TIMM13: variants seen among roughly 807,000 people sequenced by gnomAD.
TIMM13 encodes the protein mitochondrial import inner membrane translocase subunit Tim13.
Under a neutral mutation model 10.9 loss-of-function variants are expected in TIMM13, and 8 were observed. That is an observed-to-expected ratio of 0.73 (90% CI 0.43 to 1.32). TIMM13 has a LOEUF of 1.32. Among genes scored for constraint, TIMM13 ranks in the 40% most tolerant of loss-of-function variants. The pLI is 0.01. For synonymous variants in TIMM13, 68 were observed against 52.5 expected (o/e 1.30, Z -1.28); for missense variants, 147 against 132.8 (o/e 1.11, Z -0.53).
Position 2,426,672 on chromosome 19 carries a change from G to A in TIMM13, c.*276C>T. 1 of 539,264 alleles carries A rather than the reference G, an allele frequency of 1.9e-6. No homozygotes were observed. Among genetic ancestry groups the A allele is most frequent in the Non-Finnish European group, 3.3e-6 (1 of 301,262 alleles). The allele number at this position is 539,264 out of a possible 1,614,324, so 33.4% of individuals were successfully genotyped here. A position where few individuals can be genotyped will look rare whatever the true frequency, so the allele number is the denominator to read the frequency against. ...GACAAGCTGTCCGCCCAGAATATGAGGCTGACTTGGGCACACTAGGGGAAT... is the reference window on the plus strand; with the variant it reads ...GACAAGCTGTCCGCCCAGAATATGAAGCTGACTTGGGCACACTAGGGGAAT... On this transcript the variant is annotated 3_prime_UTR_variant, in exon 3 of 3. Transcript: ENST00000215570.
Position 2,425,756 on chromosome 19 carries a change from T to A in TIMM13, c.*1192A>T. ...GGCACCGTTCCACTCCGGGACCACG[T>A]GGCGGGTGTCCATAAATGTCTGCCA... On this transcript the variant is annotated 3_prime_UTR_variant, in exon 3 of 3. Transcript: ENST00000215570. 8.6e-7 allele frequency: 1 copy of A among 1,169,432 alleles called. No individual in the cohort carries two copies. The highest frequency in any genetic ancestry group is 1.2e-6 in the Non-Finnish European group (1 of 862,566). 72.4% of individuals were successfully genotyped at this position (1,169,432 alleles called of 1,614,324 possible).
rs556101871 is a variant in TIMM13 at position 2,427,497 on chromosome 19, C to T, written c.37G>A (p.Gly13Ser). 2.9e-5 allele frequency: 47 copies of T among 1,611,198 alleles called. No homozygotes were observed. Among genetic ancestry groups the T allele is most frequent in the Non-Finnish European group, 1.9e-5 (22 of 1,179,130 alleles). ...AGCCCTGGGTCCAGCTTCCCGCTGC[C>T]GGAGCCCCCGAAATCGGAGCCGAAG... ...GGFGSDFGGSGSGKLDPGLIM... is the reference protein window; with the variant it reads ...GGFGSDFGGSSSGKLDPGLIM... The change falls in exon 1 of 3, where the codon GGC becomes AGC. Residue 13 changes from glycine (G) to serine (S), a missense_variant. Transcript: ENST00000215570.
In TIMM13 at chr19:2,425,980, A is replaced by C; in HGVS notation, c.*968T>G. 6.2e-7 allele frequency: 1 copy of C among 1,608,266 alleles called. No homozygotes were observed. The highest frequency in any genetic ancestry group is 8.5e-7 in the Non-Finnish European group (1 of 1,178,140). ...GGGAGCCCTCTGGACGGTGGGTGCT[A>C]ACTGGGGTCACTAGCTGGGGCTATG... On this transcript the variant is annotated 3_prime_UTR_variant, in exon 3 of 3. Transcript: ENST00000215570.
Position 2,426,042 on chromosome 19 carries a change from G to A in TIMM13, c.*906C>T, listed in dbSNP as rs760550411. On this transcript the variant is annotated 3_prime_UTR_variant, in exon 3 of 3. Transcript: ENST00000215570. ...CCCCACTTCCCAGGTGTCTATACCC[G>A]GGTGGCAGCTGTGAGAGGCTGGATA... is the stretch of plus-strand genomic sequence containing the variant. 3 of 1,609,376 alleles carry A rather than the reference G, an allele frequency of 1.9e-6. No homozygotes were observed. The highest frequency in any genetic ancestry group is 2.5e-6 in the Non-Finnish European group (3 of 1,178,416).
chr19:2,426,078 T>C lies in TIMM13; in HGVS notation c.*870A>G, dbSNP rs367635703. On this transcript the variant is annotated 3_prime_UTR_variant, in exon 3 of 3. Transcript: ENST00000215570. The stretch of plus-strand genomic sequence containing the variant: ...GTGAGAGGCTGGATAGGACAGCACA[T>C]CCAGGAGTGACCACCACGTGACTGC... The C allele has an allele frequency of 1.9e-5, 31 of 1,605,230 alleles. No individual in the cohort carries two copies. The highest frequency in any genetic ancestry group is 2.5e-5 in the Non-Finnish European group (29 of 1,177,026).
Position 2,426,015 on chromosome 19 carries a change from G to C in TIMM13, c.*933C>G. On this transcript the variant is annotated 3_prime_UTR_variant, in exon 3 of 3. Coordinates refer to ENST00000215570, the MANE Select transcript of TIMM13 (RefSeq NM_012458.4). ...ACTAGCTGGGGCTATGGCTGTGGCCGGCCCCACTTCCCAGGTGTCTATACC... is the reference window on the plus strand; with the variant it reads ...ACTAGCTGGGGCTATGGCTGTGGCCCGCCCCACTTCCCAGGTGTCTATACC... 3 of 1,607,740 alleles carry C rather than the reference G, an allele frequency of 1.9e-6. No homozygotes were observed. Among genetic ancestry groups the C allele is most frequent in the East Asian group, 2.2e-5 (1 of 44,506 alleles).
rs1260737333 is a variant in TIMM13 at position 2,426,649 on chromosome 19, C to G, written c.*299G>C. ...ACCACCCCCAACTCCGAAGTCCAGACAAGCTGTCCGCCCAGAATATGAGGC... is the reference window on the plus strand; with the variant it reads ...ACCACCCCCAACTCCGAAGTCCAGAGAAGCTGTCCGCCCAGAATATGAGGC... On this transcript the variant is annotated 3_prime_UTR_variant, in exon 3 of 3. Coordinates refer to ENST00000215570, the MANE Select transcript of TIMM13 (RefSeq NM_012458.4). 2 of 504,080 alleles carry G rather than the reference C, an allele frequency of 4.0e-6. No homozygotes were observed. Among genetic ancestry groups the G allele is most frequent in the Non-Finnish European group, 7.1e-6 (2 of 280,642 alleles). 31.2% of individuals were successfully genotyped at this position (504,080 alleles called of 1,614,324 possible). A position where few individuals can be genotyped will look rare whatever the true frequency, so the allele number is the denominator to read the frequency against.
Position 2,427,174 on chromosome 19 carries a change from CGTTAGTCTGCGCACGCGCAGACA to C in TIMM13, c.189+59_189+81del, listed in dbSNP as rs1211306621. The stretch of plus-strand genomic sequence containing the variant: ...CAGTGACCACTCCGTCGCACCTCCC[CGTTAGTCTGCGCACGCGCAGACA>C]CCTCCCCCCTCGAATCTAGGCCCTC... On this transcript the variant is annotated intron_variant, in intron 2 of 2. Transcript: ENST00000215570. 1.5e-5 allele frequency: 23 copies of C among 1,579,802 alleles called. No homozygotes were observed. In the East Asian group the frequency reaches 4.3e-4, roughly 29 times the overall value.
Position 2,426,859 on chromosome 19 carries a change from G to A in TIMM13, c.*89C>T. 7.5e-7 allele frequency: 1 copy of A among 1,324,734 alleles called. No individual in the cohort carries two copies. The highest frequency in any genetic ancestry group is 1.1e-6 in the Non-Finnish European group (1 of 952,356). The allele number at this position is 1,324,734 out of a possible 1,614,324, so 82.1% of individuals were successfully genotyped here. The stretch of plus-strand genomic sequence containing the variant: ...CCCAGCACCGGTGCCACCCTCCTAA[G>A]CCCCGGGCAGGCAGTACGTACATGC... On this transcript the variant is annotated 3_prime_UTR_variant, in exon 3 of 3. Transcript: ENST00000215570.
chr19:2,425,638 G>A lies in TIMM13; in HGVS notation c.*1310C>T. On this transcript the variant is annotated 3_prime_UTR_variant, in exon 3 of 3. Transcript: ENST00000215570. ...TCAAGCAGGGAGCCTTTTTGGCTCT[G>A]GAGGAATTTCCACTCCACAGCCGTT... 1 of 1,367,316 alleles carries A rather than the reference G, an allele frequency of 7.3e-7. No individual in the cohort carries two copies. The highest frequency in any genetic ancestry group is 9.4e-7 in the Non-Finnish European group (1 of 1,058,682). The allele number at this position is 1,367,316 out of a possible 1,614,324, so 84.7% of individuals were successfully genotyped here. A position where few individuals can be genotyped will look rare whatever the true frequency, so the allele number is the denominator to read the frequency against.
At position 2,427,301 on chromosome 19, in the gene TIMM13, C is replaced by T. The variant is rs747024711; in HGVS notation, c.144G>A (p.Arg48=). 1 of 1,613,486 alleles carries T rather than the reference C, an allele frequency of 6.2e-7. No homozygotes were observed. Among genetic ancestry groups the T allele is most frequent in the South Asian group, 1.1e-5 (1 of 91,086 alleles). The change falls in exon 2 of 3, where the codon CGG becomes CGA. Residue 48 remains arginine (R), a synonymous_variant. Transcript: ENST00000215570. ...LLQRMTDKCF[R]KCIGKPGGSL... ...AGCCCCCAGGTTTCCCTATACACTT[C>T]CGGAAACACTTGTCCGTCATCCTCT... is the stretch of plus-strand genomic sequence containing the variant.
Position 2,425,970 on chromosome 19 carries a change from G to A in TIMM13, c.*978C>T, listed in dbSNP as rs141671587. On this transcript the variant is annotated 3_prime_UTR_variant, in exon 3 of 3. Transcript: ENST00000215570. ...CTGGCCTGCAGGGAGCCCTCTGGAC[G>A]GTGGGTGCTAACTGGGGTCACTAGC... 42 of 1,607,160 alleles carry A rather than the reference G, an allele frequency of 2.6e-5. 1 individual carries two copies. The highest frequency in any genetic ancestry group is 1.7e-4 in the Middle Eastern group (1 of 5,906).
chr19:2,426,169 C>T lies in TIMM13; in HGVS notation c.*779G>A. 1.7e-6 allele frequency: 2 copies of T among 1,166,248 alleles called. No homozygotes were observed. The highest frequency in any genetic ancestry group is 1.6e-5 in the South Asian group (1 of 62,596). 72.2% of individuals were successfully genotyped at this position (1,166,248 alleles called of 1,614,324 possible). A position where few individuals can be genotyped will look rare whatever the true frequency, so the allele number is the denominator to read the frequency against. On this transcript the variant is annotated 3_prime_UTR_variant, in exon 3 of 3. Coordinates refer to ENST00000215570, the MANE Select transcript of TIMM13 (RefSeq NM_012458.4). ...CCACCCAACACCCCACCCCACCGTACCCTACCCAAGGACGGGTGTGGGGGG... is the reference window on the plus strand; with the variant it reads ...CCACCCAACACCCCACCCCACCGTATCCTACCCAAGGACGGGTGTGGGGGG...
chr19:2,427,417 C>A lies in TIMM13; in HGVS notation c.117G>T (p.Leu39=). The change falls in exon 1 of 3, where the codon CTG becomes CTT. Residue 39 remains leucine, a synonymous_variant. Transcript: ENST00000215570. ...CCGTCCCCGGCCAGCCCCGCACCTG[C>A]AGCAGCTCCTGCGCGTTGGCCACGG... The part of the protein sequence containing the change: ...QIAVANAQEL[L]QRMTDKCFRK... 1 of 1,612,732 alleles carries A rather than the reference C, an allele frequency of 6.2e-7. No individual in the cohort carries two copies. Among genetic ancestry groups the A allele is most frequent in the Non-Finnish European group, 8.5e-7 (1 of 1,179,662 alleles).
rs771580172 is a variant in TIMM13 at position 2,427,569 on chromosome 19, G to C, written c.-36C>G. 5.8e-6 allele frequency: 9 copies of C among 1,564,190 alleles called. No homozygotes were observed. The highest frequency in any genetic ancestry group is 7.8e-6 in the Non-Finnish European group (9 of 1,156,590). ...AGTCAACCGGACCGAGGCCGCGTGC[G>C]CCGACTCGTAACTAACTGCGCCGGA... On this transcript the variant is annotated 5_prime_UTR_variant, in exon 1 of 3. Coordinates refer to ENST00000215570, the MANE Select transcript of TIMM13 (RefSeq NM_012458.4).
Position 2,426,838 on chromosome 19 carries a change from G to T in TIMM13, c.*110C>A. On this transcript the variant is annotated 3_prime_UTR_variant, in exon 3 of 3. Coordinates refer to ENST00000215570, the MANE Select transcript of TIMM13 (RefSeq NM_012458.4). ...CGAGGACACAGTCCCGTGTGTCCCAGCACCGGTGCCACCCTCCTAAGCCCC... is the reference window on the plus strand; with the variant it reads ...CGAGGACACAGTCCCGTGTGTCCCATCACCGGTGCCACCCTCCTAAGCCCC... 9.1e-7 allele frequency: 1 copy of T among 1,094,080 alleles called. No individual in the cohort carries two copies. Among genetic ancestry groups the T allele is most frequent in the Non-Finnish European group, 1.3e-6 (1 of 750,470 alleles). 67.8% of individuals were successfully genotyped at this position (1,094,080 alleles called of 1,614,324 possible).
At position 2,426,189 on chromosome 19, in the gene TIMM13, G is replaced by T. The variant is rs187128143; in HGVS notation, c.*759C>A. The T allele has an allele frequency of 8.5e-6, 8 of 943,116 alleles. No homozygotes were observed. The highest frequency in any genetic ancestry group is 4.9e-5 in the East Asian group (1 of 20,304). The allele number at this position is 943,116 out of a possible 1,614,324, so 58.4% of individuals were successfully genotyped here. On this transcript the variant is annotated 3_prime_UTR_variant, in exon 3 of 3. Coordinates refer to ENST00000215570, the MANE Select transcript of TIMM13 (RefSeq NM_012458.4). ...CCGTACCCTACCCAAGGACGGGTGTGGGGGGGCTGTGGGTCATGGGGATGC... is the reference window on the plus strand; with the variant it reads ...CCGTACCCTACCCAAGGACGGGTGTTGGGGGGCTGTGGGTCATGGGGATGC...
In TIMM13 at chr19:2,426,365, G is replaced by A. The variant is rs1882511155; in HGVS notation, c.*583C>T. 2 of 413,108 alleles carry A rather than the reference G, an allele frequency of 4.8e-6. No individual in the cohort carries two copies. The allele number at this position is 413,108 out of a possible 1,614,324, so 25.6% of individuals were successfully genotyped here. A position where few individuals can be genotyped will look rare whatever the true frequency, so the allele number is the denominator to read the frequency against. ...CAGGGTCAAAGCAAGCCCTGACAAG[G>A]GGAAGGCTGTCCCCCTTAGCCTTTG... On this transcript the variant is annotated 3_prime_UTR_variant, in exon 3 of 3. Coordinates refer to ENST00000215570, the MANE Select transcript of TIMM13 (RefSeq NM_012458.4).
chr19:2,427,094 C>G, intron 2 of TIMM13, 48 bp from the exon 3 acceptor site: 2 of 1,594,156 alleles, frequency 1.3e-6, no homozygotes, highest in South Asian at 1.1e-5. Flanking sequence ...TTCGCGGCCC[C>G]GGGGACCGCC....
Sources: allele counts gnomAD v4.1 joint callset, GRCh38; gene constraint gnomAD v4.1.1; transcripts MANE v1.5; gene names NCBI Gene and HGNC (gene_info 2026-07-23, HGNC 2026-07-21).